LRRC8B: variants seen among roughly 807,000 people sequenced by gnomAD.
LRRC8B encodes the protein leucine rich repeat containing 8 VRAC subunit B, also known as volume-regulated anion channel subunit LRRC8B.
In LRRC8B, 23 loss-of-function variants were observed where a neutral mutation model predicts 58.8. The ratio of observed to expected loss-of-function variants is 0.39; its 90% CI spans 0.28 to 0.55. The LOEUF (loss-of-function observed/expected upper bound fraction) is 0.55. Ranked by LOEUF, LRRC8B falls within the 20% of genes least tolerant of loss-of-function variation. The probability of loss-of-function intolerance (pLI) is 0.62; values close to 1 mark genes in which losing one functional copy is unlikely to be tolerated. For missense variants in LRRC8B, 694 were observed against 936.0 expected, an observed-to-expected ratio of 0.74 and a Z score of 3.37; for synonymous variants, 359 against 374.1, an observed-to-expected ratio of 0.96 and a Z score of 0.47.
chr1:89,531,087 A>G (rs1650098404), intron 1 of LRRC8B, among the ~76,000 whole-genome samples: 1 of 152,212 alleles, frequency 6.6e-6, no homozygotes, highest in Non-Finnish European at 1.5e-5. Flanking sequence ...GGACAAATTT[A>G]AGATAAATTC....
At position 89,566,698 on chromosome 1, in the gene LRRC8B, T is replaced by C. The variant is rs149934278; in HGVS notation, c.-240-1549T>C. ...TTTGTGCACTACAAAAAAGTTTGTT[T>C]TGTCAAATCCACCATCTCTCCTGAC... On this transcript the variant is annotated intron_variant, in intron 1 of 5. Coordinates refer to ENST00000330947, the MANE Select transcript of LRRC8B (RefSeq NM_001369817.2). Among the ~76,000 whole-genome samples the C allele has an allele frequency of 5.6e-3, 846 of 152,348 alleles. 12 individuals are homozygous for C. The highest frequency in any genetic ancestry group is 0.019 in the African/African-American group (803 of 41,590).
chr1:89,584,753 G>C lies in LRRC8B; in HGVS notation c.2103G>C (p.Leu701=), dbSNP rs974714493. ...LTFIPEEIQY[L]SNLQYFAVTN... is the part of the protein sequence containing the mutation. ...TCATTCCAGAAGAAATCCAGTATCT[G>C]AGTAATTTGCAGTACTTTGCTGTGA... The change falls in exon 5 of 6, where the codon CTG becomes CTC. Residue 701 remains leucine, a synonymous_variant. Transcript: ENST00000330947. 4 of 1,610,854 alleles carry C rather than the reference G, an allele frequency of 2.5e-6. No homozygotes were observed. The African/African-American group carries it at 5.3e-5, about 22-fold the overall frequency.
Position 89,524,857 on chromosome 1 carries a change from A to C in LRRC8B, c.-406A>C. ...GGCCAGCGGAACGCGTCGCGTCACA[A>C]TGGAGCCGGTCGGAGGCGGCGAGCC... On this transcript the variant is annotated 5_prime_UTR_variant, in exon 1 of 6. The change abolishes an upstream ATG in the 5' untranslated region. Coordinates refer to ENST00000330947, the MANE Select transcript of LRRC8B (RefSeq NM_001369817.2). 6.6e-6 allele frequency: 1 copy of C among 151,956 alleles called. No homozygotes were observed. The highest frequency in any genetic ancestry group is 1.5e-5 in the Non-Finnish European group (1 of 67,958). The allele number at this position is 151,956 out of a possible 1,614,324, so 9.4% of individuals were successfully genotyped here.
intron 5 of LRRC8B, among the ~76,000 whole-genome samples, chr1:89,585,842 G>T (rs1315954317): frequency 6.6e-6 from 1 of 151,774 alleles, no homozygotes; most frequent in East Asian, 1.9e-4. Context: ...GAAAGAAAAT[G>T]TATTATCTTT....
At position 89,534,075 on chromosome 1, in the gene LRRC8B, A is replaced by G. The variant is rs527943756; in HGVS notation, c.-241+9053A>G. ...ATAATCCTGACTTTGGCTTTCTATT[A>G]GAAGTCAAAATTTTACGTGGTTAAC... On this transcript the variant is annotated intron_variant, in intron 1 of 5. Transcript: ENST00000330947. Among the ~76,000 whole-genome samples, 7 of 152,342 alleles carry G rather than the reference A, an allele frequency of 4.6e-5. No homozygotes were observed. In the South Asian group the frequency reaches 1.4e-3, roughly 32 times the overall value.
chr1:89,560,656 G>A (rs570705382), intron 1 of LRRC8B, among the ~76,000 whole-genome samples: 4 of 149,258 alleles, frequency 2.7e-5, no homozygotes, highest in South Asian at 4.4e-4. Context: ...TTGATCTTGC[G>A]ATAGTTTACT....
At chr1:89,575,916 A>C (rs911624893) in intron 3 of LRRC8B, among the ~76,000 whole-genome samples, 6 of 152,138 alleles carry the variant, frequency 3.9e-5, no homozygotes, top group African/African-American at 1.4e-4. Flanking sequence ...TAGCCTTATT[A>C]TTCTATTATA....
rs113260260 is a variant in LRRC8B at position 89,576,327 on chromosome 1, C to G, written c.-124-3264C>G. Among the ~76,000 whole-genome samples the G allele has an allele frequency of 3.7e-3, 559 of 152,244 alleles. 6 individuals are homozygous for G. Among genetic ancestry groups the G allele is most frequent in the African/African-American group, 0.013 (532 of 41,526 alleles). On this transcript the variant is annotated intron_variant, in intron 3 of 5. Coordinates refer to ENST00000330947, the MANE Select transcript of LRRC8B (RefSeq NM_001369817.2). ...CTTCCAAGAAGACTTAAAAGACAGG[C>G]ACTTTTCTCAGACAGTTTATTGTCT...
chr1:89,551,055 G>A (rs950533026), intron 1 of LRRC8B, among the ~76,000 whole-genome samples: 1 of 151,964 alleles, frequency 6.6e-6, no homozygotes, highest in Non-Finnish European at 1.5e-5. Context: ...TTGTGAAGTC[G>A]TCCCCCTCTG....
intron 1 of LRRC8B, among the ~76,000 whole-genome samples, chr1:89,531,003 T>C (rs895012228): frequency 6.6e-6 from 1 of 152,220 alleles, no homozygotes; most frequent in Non-Finnish European, 1.5e-5. Flanking sequence ...TTCCATGTAT[T>C]GTGGTATGGC....
chr1:89,525,333 C>T (rs1000576940), intron 1 of LRRC8B, among the ~76,000 whole-genome samples: 7 of 152,120 alleles, frequency 4.6e-5, no homozygotes, highest in Non-Finnish European at 8.8e-5. Flanking sequence ...CTCTTTCCCC[C>T]GGGAGTCTCG....
intron 1 of LRRC8B, among the ~76,000 whole-genome samples, chr1:89,532,949 T>G (rs1017578592): frequency 6.6e-6 from 1 of 152,216 alleles, no homozygotes; most frequent in African/African-American, 2.4e-5. Context: ...GGCTTCTCCT[T>G]GCTTTATTCT....
chr1:89,570,319 C>T (rs1240508218), intron 3 of LRRC8B, among the ~76,000 whole-genome samples: 4 of 152,196 alleles, frequency 2.6e-5, no homozygotes, highest in African/African-American at 9.7e-5. Flanking sequence ...AATGGTTGAA[C>T]TAATTTACAC....
intron 5 of LRRC8B, 21 bp from the exon 6 acceptor site, chr1:89,592,747 GCTT>G (rs773242109): frequency 2.5e-6 from 4 of 1,602,206 alleles, no homozygotes; most frequent in Non-Finnish European, 3.4e-6. Flanking sequence ...TATTTTACCA[GCTT>G]CTTTTTTCTT....
intron 3 of LRRC8B, among the ~76,000 whole-genome samples, chr1:89,569,779 G>C (rs1235789773): frequency 6.6e-6 from 1 of 152,090 alleles, no homozygotes; most frequent in Non-Finnish European, 1.5e-5. Context: ...TGTGTCATGG[G>C]GGTTTGTGGT....
chr1:89,545,401 A>G (rs112426196), intron 1 of LRRC8B, among the ~76,000 whole-genome samples: 23 of 152,346 alleles, frequency 1.5e-4, no homozygotes, highest in African/African-American at 5.5e-4. Context: ...TATTCCTCAG[A>G]GAAGTTACAC....
At chr1:89,563,097 A>C (rs1652801095) in intron 1 of LRRC8B, among the ~76,000 whole-genome samples, 1 of 152,048 alleles carries the variant, frequency 6.6e-6, no homozygotes, top group Admixed American at 6.6e-5. Context: ...AATTTGTGTA[A>C]CTCATTTATA....
rs542156708 is a variant in LRRC8B at position 89,538,971 on chromosome 1, C to G, written c.-241+13949C>G. 7.9e-5 allele frequency among the ~76,000 whole-genome samples: 12 copies of G among 152,310 alleles called. No individual in the cohort carries two copies. In the South Asian group the frequency reaches 2.3e-3, roughly 29 times the overall value. On this transcript the variant is annotated intron_variant, in intron 1 of 5. Transcript: ENST00000330947. Reference sequence around the variant, plus strand: ...TCCTGACCTCAGGTGATCCACCCATCTTGGCCTCCCAAAGTGCTGGGATTA... The same window carrying G: ...TCCTGACCTCAGGTGATCCACCCATGTTGGCCTCCCAAAGTGCTGGGATTA...
intron 5 of LRRC8B, among the ~76,000 whole-genome samples, chr1:89,592,259 T>G (rs1044061872): frequency 6.6e-6 from 1 of 152,152 alleles, no homozygotes. Flanking sequence ...ATAATCATAT[T>G]TTTTTGCTCT....
Sources: gnomAD v4.1 joint callset for allele counts (sites outside exome capture counted in the v4.1 genomes callset) on GRCh38, gnomAD v4.1.1 for gene constraint, MANE v1.5 for transcripts, NCBI Gene and HGNC (gene_info 2026-07-23, HGNC 2026-07-21) for gene names.